The following KCNC2 variants were observed in gnomAD, a reference collection of about 807,000 sequenced individuals.
KCNC2 encodes the protein potassium voltage-gated channel subfamily C member 2.
Under a neutral mutation model 44.5 loss-of-function variants are expected in KCNC2, and 21 were observed. The ratio of observed to expected loss-of-function variants is 0.47; its 90% CI spans 0.33 to 0.68. The LOEUF (loss-of-function observed/expected upper bound fraction) is 0.68, where lower values mean the gene tolerates loss of function less well. KCNC2 is among the 30% of genes least tolerant of loss of function. The pLI, the probability that KCNC2 is intolerant of heterozygous loss-of-function variation, is 0.01. For synonymous variants in KCNC2, 391 were observed against 339.1 expected, an observed-to-expected ratio of 1.15 and a Z score of -1.68; for missense variants, 589 against 826.2, an observed-to-expected ratio of 0.71 and a Z score of 3.52.
rs1174433701 is a variant in KCNC2 at position 75,207,744 on chromosome 12, G to A, written c.240C>T (p.Gly80=). Residue 80 remains glycine (G), a synonymous_variant, in exon 2 of 5, where the codon GGC becomes GGT. Transcript: ENST00000549446. This position sits in a 1 kb window ranked among gnomAD's most constrained non-coding sequence, Gnocchi z 4.1. ...LSPGPGGCFE[G]GAGNCSSRGG... is the part of the protein sequence containing the mutation. ...CGCGGGAACTGCAGTTGCCCGCGCC[G>A]CCCTCGAAGCAGCCGCCTGGCCCGG... 1 of 1,566,548 alleles carries A rather than the reference G, an allele frequency of 6.4e-7. No homozygotes were observed. The highest frequency in any genetic ancestry group is 8.6e-7 in the Non-Finnish European group (1 of 1,156,240).
intron 3 of KCNC2, among the ~76,000 whole-genome samples, chr12:75,049,857 T>C (rs1172351046): frequency 2.6e-5 from 4 of 152,130 alleles, no homozygotes; most frequent in Non-Finnish European, 5.9e-5. Flanking sequence ...AAGAGCTTTG[T>C]TATCAAAAAG....
intron 2 of KCNC2, among the ~76,000 whole-genome samples, chr12:75,145,956 T>TTG (rs200646344): frequency 0.031 from 4,090 of 133,648 alleles, 165 homozygotes; most frequent in African/African-American, 0.12. Flanking sequence ...TCTTACCAAT[T>TTG]TTTTTTTTTT....
At chr12:75,197,078 G>A (rs918498822) in intron 2 of KCNC2, among the ~76,000 whole-genome samples, 1 of 152,006 alleles carries the variant, frequency 6.6e-6, no homozygotes. Context: ...GAGGATCTCT[G>A]GGGTGAGACC....
At chr12:75,070,827 A>C (rs2137033108) in intron 2 of KCNC2, among the ~76,000 whole-genome samples, 1 of 152,222 alleles carries the variant, frequency 6.6e-6, no homozygotes, top group Non-Finnish European at 1.5e-5. Context: ...TATTTCGATA[A>C]ACTATTTTTT....
chr12:75,186,804 T>C (rs186450823), intron 2 of KCNC2, among the ~76,000 whole-genome samples: 7 of 152,310 alleles, frequency 4.6e-5, no homozygotes, highest in Admixed American at 2.6e-4. Context: ...TGTCAAGTAA[T>C]CAAAACTCTC....
chr12:75,111,707 C>A (rs1887261175), intron 2 of KCNC2, among the ~76,000 whole-genome samples: 1 of 151,900 alleles, frequency 6.6e-6, no homozygotes, highest in African/African-American at 2.4e-5. Flanking sequence ...AATGTAATGT[C>A]TGAAACTAAA....
chr12:75,183,031 T>A (rs781664983), intron 2 of KCNC2, among the ~76,000 whole-genome samples: 2 of 152,238 alleles, frequency 1.3e-5, no homozygotes, highest in Non-Finnish European at 2.9e-5. Context: ...CCGGCCCTTC[T>A]GTCCCCAAAC....
chr12:75,196,402 G>A (rs2030768516), intron 2 of KCNC2, among the ~76,000 whole-genome samples: 1 of 152,028 alleles, frequency 6.6e-6, no homozygotes, highest in South Asian at 2.1e-4. Flanking sequence ...CACCAGAAAG[G>A]CTTCTTAAAG....
Position 75,048,202 on chromosome 12 carries a change from T to C in KCNC2, c.1731A>G (p.Leu577=), listed in dbSNP as rs1202192956. 2.5e-6 allele frequency: 4 copies of C among 1,613,112 alleles called. No individual in the cohort carries two copies. The highest frequency in any genetic ancestry group is 3.3e-5 in the Admixed American group (2 of 59,954). Residue 577 remains leucine, a synonymous_variant, in exon 4 of 5, where the codon CTA becomes CTG. Transcript: ENST00000549446. ...DKNRRGETCF[L]LTTGDYTCAS... is the part of the protein sequence containing the mutation. ...CACACGTGTAATCACCTGTCGTCAGTAGGAAACATGTTTCCCCTCTTCTGT... is the reference window on the plus strand; with the variant it reads ...CACACGTGTAATCACCTGTCGTCAGCAGGAAACATGTTTCCCCTCTTCTGT...
At position 75,207,371 on chromosome 12, in the gene KCNC2, A is replaced by G. The variant is rs2031771105; in HGVS notation, c.613T>C (p.Ser205Pro). 1 of 1,579,462 alleles carries G rather than the reference A, an allele frequency of 6.3e-7. No individual in the cohort carries two copies. The highest frequency in any genetic ancestry group is 8.6e-7 in the Non-Finnish European group (1 of 1,164,144). Residue 205 changes from serine (S) to proline (P), a missense_variant, in exon 2 of 5, where the codon TCT (serine) becomes CCT (proline). Coordinates refer to ENST00000549446, the MANE Select transcript of KCNC2 (RefSeq NM_139137.4). This position sits in a 1 kb window ranked among gnomAD's most constrained non-coding sequence, Gnocchi z 4.1. ...GGCTGCAGCCTCCTCCAGCGGCCAGATTTGCCGTCGGGGCCCCCGAGCCCC... is the reference window on the plus strand; with the variant it reads ...GGCTGCAGCCTCCTCCAGCGGCCAGGTTTGCCGTCGGGGCCCCCGAGCCCC... Reference protein sequence around the residue: ...AAGLGGPDGKSGRWRRLQPRM... With the variant: ...AAGLGGPDGKPGRWRRLQPRM...
At chr12:75,172,940 T>C (rs73187114) in intron 2 of KCNC2, among the ~76,000 whole-genome samples, 4 of 151,854 alleles carry the variant, frequency 2.6e-5, no homozygotes, top group South Asian at 4.1e-4. Flanking sequence ...GAGAGCCAGA[T>C]AGAATTCTGA....
chr12:75,106,853 T>C lies in KCNC2; in HGVS notation c.688-55536A>G, dbSNP rs142374025. On this transcript the variant is annotated intron_variant, in intron 2 of 4. Transcript: ENST00000549446. ...ATTTATATATTCAATTTCAAAAATA[T>C]TTTTAGATTTAACACATGTTAATAT... Among the ~76,000 whole-genome samples the C allele has an allele frequency of 1.8e-3, 269 of 152,322 alleles. 2 individuals are homozygous for C. The highest frequency in any genetic ancestry group is 6.0e-3 in the African/African-American group (249 of 41,572).
chr12:75,142,517 G>A (rs986930724), intron 2 of KCNC2, among the ~76,000 whole-genome samples: 1 of 152,162 alleles, frequency 6.6e-6, no homozygotes, highest in African/African-American at 2.4e-5. Context: ...AAGACTTAGT[G>A]GCTTACAACA....
intron 2 of KCNC2, among the ~76,000 whole-genome samples, chr12:75,075,448 TATATATATAC>T (rs1883842744): frequency 1.8e-5 from 1 of 54,062 alleles, no homozygotes; most frequent in African/African-American, 6.6e-5. Flanking sequence ...AGGAGAGAAA[TATATATATAC>T]ATATATATAT....
intron 2 of KCNC2, among the ~76,000 whole-genome samples, chr12:75,066,748 T>G (rs1335480747): frequency 1.3e-5 from 2 of 152,224 alleles, no homozygotes; most frequent in African/African-American, 4.8e-5. Flanking sequence ...ATTTCAACAT[T>G]TAACAAGACG....
rs1475979518 is a variant in KCNC2, at chr12:75,041,581, A to C, written c.*1524T>G. ...CCCTCACATGCTCAATACATGAGAC[A>C]CGCTATTGCTGTTGAATTCATAGGA... On this transcript the variant is annotated 3_prime_UTR_variant, in exon 5 of 5. Coordinates refer to ENST00000549446, the MANE Select transcript of KCNC2 (RefSeq NM_139137.4). 1 of 1,059,528 alleles carries C rather than the reference A, an allele frequency of 9.4e-7. No homozygotes were observed. 65.6% of individuals were successfully genotyped at this position (1,059,528 alleles called of 1,614,324 possible). A position where few individuals can be genotyped will look rare whatever the true frequency, so the allele number is the denominator to read the frequency against.
In KCNC2 at chr12:75,109,551, G is replaced by A. The variant is rs1048432149; in HGVS notation, c.688-58234C>T. 3.3e-5 allele frequency among the ~76,000 whole-genome samples: 5 copies of A among 152,130 alleles called. No individual in the cohort carries two copies. The East Asian group carries it at 5.8e-4, about 18-fold the overall frequency. ...ATGCTAAACAAATATTAAGGCTTGCGCTGCACCCCAGAAGATCAGGGAGCA... is the reference window on the plus strand; with the variant it reads ...ATGCTAAACAAATATTAAGGCTTGCACTGCACCCCAGAAGATCAGGGAGCA... On this transcript the variant is annotated intron_variant, in intron 2 of 4. Transcript: ENST00000549446.
intron 2 of KCNC2, among the ~76,000 whole-genome samples, chr12:75,065,522 A>G (rs1197556653): frequency 1.3e-5 from 2 of 152,152 alleles, no homozygotes; most frequent in Non-Finnish European, 2.9e-5. Flanking sequence ...TAGTGTTGTC[A>G]TGAGATTATA....
chr12:75,041,355 T>A lies in KCNC2; in HGVS notation c.*1750A>T. The A allele has an allele frequency of 6.9e-7, 1 of 1,452,516 alleles. No individual in the cohort carries two copies. The highest frequency in any genetic ancestry group is 9.1e-7 in the Non-Finnish European group (1 of 1,101,542). 90.0% of individuals were successfully genotyped at this position (1,452,516 alleles called of 1,614,324 possible). A position where few individuals can be genotyped will look rare whatever the true frequency, so the allele number is the denominator to read the frequency against. Reference sequence around the variant, plus strand: ...GTATGTCTGGATAAATACATTGCTGTACAACATCTCCAACATGCAGGTCAT... The same window carrying A: ...GTATGTCTGGATAAATACATTGCTGAACAACATCTCCAACATGCAGGTCAT... On this transcript the variant is annotated 3_prime_UTR_variant, in exon 5 of 5. Transcript: ENST00000549446.
Sources: allele counts gnomAD v4.1 joint callset (sites outside exome capture counted in the v4.1 genomes callset), GRCh38; gene constraint gnomAD v4.1.1; non-coding constraint Gnocchi (gnomAD v3.1); transcripts MANE v1.5; gene names NCBI Gene and HGNC (gene_info 2026-07-23, HGNC 2026-07-21).